Variants in NRG3 observed in about 807,000 individuals in gnomAD.
The protein encoded by NRG3 is neuregulin 3, also known as pro-neuregulin-3, membrane-bound isoform.
NRG3 carries 31 observed loss-of-function variants against 66.9 expected under a neutral mutation model. The ratio of observed to expected loss-of-function variants is 0.46; its 90% CI spans 0.35 to 0.63. The LOEUF is 0.63. Among genes scored for constraint, NRG3 ranks in the 20% least tolerant of loss-of-function variants. The pLI, the probability that NRG3 is intolerant of heterozygous loss-of-function variation, is 0.00. For missense variants in NRG3, 910 were observed against 878.9 expected (o/e 1.04, Z -0.45); for synonymous variants, 393 against 359.4 (o/e 1.09, Z -1.06).
At chr10:82,144,543 A>G (rs957823646) in intron 1 of NRG3, among the ~76,000 whole-genome samples, 2 of 152,196 alleles carry the variant, frequency 1.3e-5, no homozygotes, top group Non-Finnish European at 2.9e-5. Context: ...GTTAAAAGAG[A>G]GTAGTCTCAT....
At chr10:82,818,737 T>C (rs1448002999) in intron 3 of NRG3, among the ~76,000 whole-genome samples, 1 of 152,196 alleles carries the variant, frequency 6.6e-6, no homozygotes, top group Non-Finnish European at 1.5e-5. Flanking sequence ...TTTCTGATTC[T>C]AATGAAGGGA....
intron 2 of NRG3, among the ~76,000 whole-genome samples, chr10:82,667,077 C>T (rs984332909): frequency 1.3e-5 from 2 of 152,152 alleles, no homozygotes; most frequent in East Asian, 1.9e-4. Flanking sequence ...AGCAGAGCGC[C>T]CCTGCCTCTA....
intron 3 of NRG3, among the ~76,000 whole-genome samples, chr10:82,784,757 G>A (rs1358837771): frequency 2.0e-5 from 3 of 151,912 alleles, no homozygotes; most frequent in African/African-American, 7.3e-5. Context: ...ACTGTTGGTG[G>A]GACTGTAAAC....
chr10:82,748,138 G>C (rs955074207), intron 3 of NRG3, among the ~76,000 whole-genome samples: 1 of 151,382 alleles, frequency 6.6e-6, no homozygotes, highest in Non-Finnish European at 1.5e-5. Context: ...AGAGTATTTA[G>C]TTTTAAGAGA....
chr10:82,890,704 T>C (rs1432883013), intron 4 of NRG3, among the ~76,000 whole-genome samples: 1 of 152,228 alleles, frequency 6.6e-6, no homozygotes, highest in Admixed American at 6.5e-5. Flanking sequence ...TTTTGTGTTG[T>C]GGTTTTGTTG....
intron 1 of NRG3, among the ~76,000 whole-genome samples, chr10:82,339,275 C>T (rs772628912): frequency 1.4e-4 from 21 of 152,216 alleles, no homozygotes; most frequent in Admixed American, 5.2e-4. Flanking sequence ...AGTCTGTTCT[C>T]ACACAGTTAT....
At chr10:82,972,747 T>C (rs1318365585) in intron 6 of NRG3, among the ~76,000 whole-genome samples, 1 of 152,214 alleles carries the variant, frequency 6.6e-6, no homozygotes, top group African/African-American at 2.4e-5. Context: ...CTGTGAATTT[T>C]TTCAACAACC....
intron 2 of NRG3, among the ~76,000 whole-genome samples, chr10:82,494,355 A>G (rs1314330302): frequency 6.6e-6 from 1 of 152,196 alleles, no homozygotes; most frequent in African/African-American, 2.4e-5. Context: ...CATAGGTAAG[A>G]AAACTCAAAT....
chr10:82,842,267 G>A (rs989608582), intron 3 of NRG3, among the ~76,000 whole-genome samples: 1 of 151,990 alleles, frequency 6.6e-6, no homozygotes. Context: ...AAAAAATAAA[G>A]GGCTTCAAGT....
At chr10:82,528,098 C>A (rs915573439) in intron 2 of NRG3, among the ~76,000 whole-genome samples, 2 of 152,106 alleles carry the variant, frequency 1.3e-5, no homozygotes, top group Non-Finnish European at 2.9e-5. Context: ...TGCTAAATTT[C>A]ACTTAGGGGA....
intron 1 of NRG3, among the ~76,000 whole-genome samples, chr10:82,108,689 T>A (rs2067206202): frequency 6.6e-6 from 1 of 152,218 alleles, no homozygotes; most frequent in South Asian, 2.1e-4. Flanking sequence ...GTAGTAGAAG[T>A]AATTACAGTA....
chr10:82,508,734 C>A (rs1328871616), intron 2 of NRG3, among the ~76,000 whole-genome samples: 1 of 152,120 alleles, frequency 6.6e-6, no homozygotes. Flanking sequence ...ACTGTTGAAC[C>A]AAGTGGGATG....
At chr10:82,198,131 T>C (rs1332541271) in intron 1 of NRG3, among the ~76,000 whole-genome samples, 2 of 152,186 alleles carry the variant, frequency 1.3e-5, no homozygotes, top group Non-Finnish European at 2.9e-5. Context: ...TACATAGCTA[T>C]TATTTTATTT....
intron 2 of NRG3, among the ~76,000 whole-genome samples, chr10:82,521,407 C>T (rs943428670): frequency 1.3e-5 from 2 of 150,780 alleles, no homozygotes; most frequent in Non-Finnish European, 3.0e-5. Flanking sequence ...GTGGTGTGAT[C>T]TCGGCTCACT....
At chr10:81,915,338 T>G (rs976344981) in intron 1 of NRG3, among the ~76,000 whole-genome samples, 1 of 152,170 alleles carries the variant, frequency 6.6e-6, no homozygotes, top group African/African-American at 2.4e-5. Flanking sequence ...GTTGGTCAGC[T>G]GCCTTGGAGA....
chr10:81,922,923 C>T (rs897145510), intron 1 of NRG3, among the ~76,000 whole-genome samples: 1 of 152,106 alleles, frequency 6.6e-6, no homozygotes, highest in Non-Finnish European at 1.5e-5. Context: ...AGTATATGGG[C>T]TGGTTCCTTG....
intron 2 of NRG3, among the ~76,000 whole-genome samples, chr10:82,505,972 G>A (rs1274541888): frequency 6.6e-6 from 1 of 152,238 alleles, no homozygotes; most frequent in African/African-American, 2.4e-5. Context: ...GCAAGGGCCA[G>A]GCGCGTGGCT....
rs189059568 is a variant in NRG3 at position 82,454,435 on chromosome 10, C to T, written c.953+95567C>T. 7.9e-5 allele frequency among the ~76,000 whole-genome samples: 12 copies of T among 151,848 alleles called. No individual in the cohort carries two copies. The East Asian group carries it at 1.4e-3, about 17-fold the overall frequency. ...AAGAATGGAGAATATATGCTACACT[C>T]GTGTTCAAACAGTTAAAAAAAATAA... On this transcript the variant is annotated intron_variant, in intron 2 of 8. Coordinates refer to ENST00000372141, the MANE Select transcript of NRG3 (RefSeq NM_001010848.4).
At chr10:82,501,099 A>G (rs1844138247) in intron 2 of NRG3, among the ~76,000 whole-genome samples, 1 of 152,134 alleles carries the variant, frequency 6.6e-6, no homozygotes, top group Non-Finnish European at 1.5e-5. Context: ...GTTGTAGGCT[A>G]TTGTTGCAAA....
Sources: gnomAD v4.1 joint callset for allele counts (sites outside exome capture counted in the v4.1 genomes callset) on GRCh38, gnomAD v4.1.1 for gene constraint, MANE v1.5 for transcripts, NCBI Gene and HGNC (gene_info 2026-07-23, HGNC 2026-07-21) for gene names.